CTNNA3: variants seen among roughly 807,000 people sequenced by gnomAD.
CTNNA3 encodes the protein catenin alpha 3.
In CTNNA3, 76 loss-of-function variants were observed where a neutral mutation model predicts 95.7. That is an observed-to-expected ratio of 0.79 (90% CI 0.66 to 0.96). CTNNA3 has a LOEUF of 0.96. CTNNA3 is among the 40% of genes least tolerant of loss of function. CTNNA3 has a pLI of 0.00. For synonymous variants in CTNNA3, 431 were observed against 374.4 expected, an observed-to-expected ratio of 1.15 and a Z score of -1.74; for missense variants, 1,191 against 1,089.8, an observed-to-expected ratio of 1.09 and a Z score of -1.31.
At chr10:67,331,719 C>G (rs1248606945) in intron 5 of CTNNA3, among the ~76,000 whole-genome samples, 1 of 152,140 alleles carries the variant, frequency 6.6e-6, no homozygotes, top group Non-Finnish European at 1.5e-5. Context: ...CATAACTTCT[C>G]CAAAGCCAAC....
chr10:65,966,712 G>C lies in CTNNA3; in HGVS notation c.2300C>G (p.Ala767Gly). The C allele has an allele frequency of 6.2e-7, 1 of 1,612,626 alleles. No homozygotes were observed. The highest frequency in any genetic ancestry group is 2.2e-5 in the East Asian group (1 of 44,830). ...PDPSCKQDLLAYLEQIKFYSH... is the reference protein window; with the variant it reads ...PDPSCKQDLLGYLEQIKFYSH... ...GTAGAACTTAATCTGTTCCAGGTAGGCCAACAAGTCCTGTTTACAAGATGG... is the reference window on the plus strand; with the variant it reads ...GTAGAACTTAATCTGTTCCAGGTAGCCCAACAAGTCCTGTTTACAAGATGG... The change falls in exon 17 of 18, where the codon GCC becomes GGC. Residue 767 changes from alanine (A) to glycine (G), a missense_variant. Physicochemically the swap from Ala to Gly is moderately conservative, Grantham distance 60 (BLOSUM62 0). Coordinates refer to ENST00000433211, the MANE Select transcript of CTNNA3 (RefSeq NM_013266.4).
At chr10:66,997,189 C>T (rs1851402533) in intron 7 of CTNNA3, among the ~76,000 whole-genome samples, 1 of 152,148 alleles carries the variant, frequency 6.6e-6, no homozygotes, top group Non-Finnish European at 1.5e-5. Flanking sequence ...TGTATTATTT[C>T]AGCATTTCAG....
intron 3 of CTNNA3, among the ~76,000 whole-genome samples, chr10:67,588,443 T>C (rs1455376792): frequency 6.6e-6 from 1 of 152,144 alleles, no homozygotes; most frequent in Non-Finnish European, 1.5e-5. Context: ...TAGTGAAGTA[T>C]GACTTCTTTG....
At chr10:67,526,401 T>C (rs907082987) in intron 4 of CTNNA3, among the ~76,000 whole-genome samples, 3 of 147,138 alleles carry the variant, frequency 2.0e-5, no homozygotes, top group Non-Finnish European at 4.5e-5. Flanking sequence ...GTTAAGAACA[T>C]AGAGCAAAAT....
At chr10:66,376,753 A>G (rs1054659401) in intron 12 of CTNNA3, among the ~76,000 whole-genome samples, 5 of 152,206 alleles carry the variant, frequency 3.3e-5, no homozygotes, top group Admixed American at 6.5e-5. Flanking sequence ...GGAAACACAG[A>G]GAAAGACAGT....
chr10:67,478,738 G>T (rs1848109413), intron 5 of CTNNA3, among the ~76,000 whole-genome samples: 1 of 151,690 alleles, frequency 6.6e-6, no homozygotes, highest in South Asian at 2.1e-4. Context: ...CTACAAAACA[G>T]CCAGGTAACA....
intron 7 of CTNNA3, among the ~76,000 whole-genome samples, chr10:67,096,849 T>C (rs79569818): frequency 0.017 from 2,648 of 151,998 alleles, 84 homozygotes; most frequent in East Asian, 0.12. Context: ...ATAGGAACCA[T>C]AGATTTTTCC....
chr10:67,223,813 G>T (rs74607757), intron 5 of CTNNA3, among the ~76,000 whole-genome samples: 2,968 of 152,262 alleles, frequency 0.019, 104 homozygotes, highest in African/African-American at 0.066. Context: ...CAAAGATAAA[G>T]ATCAGGAGGG....
At chr10:66,725,835 G>T (rs1345678883) in intron 9 of CTNNA3, among the ~76,000 whole-genome samples, 1 of 152,106 alleles carries the variant, frequency 6.6e-6, no homozygotes, top group African/African-American at 2.4e-5. Flanking sequence ...GTAACACAAT[G>T]ATTTTCACCC....
At chr10:67,566,043 G>GTATATATATATATATATA (rs772272609) in intron 3 of CTNNA3, among the ~76,000 whole-genome samples, 497 of 26,850 alleles carry the variant, frequency 0.019, 49 homozygotes, top group Middle Eastern at 0.025. Flanking sequence ...ATGTGTGTGT[G>GTATATATATATATATATA]TATATATATA....
intron 11 of CTNNA3, among the ~76,000 whole-genome samples, chr10:66,390,842 G>A (rs1452698089): frequency 6.6e-6 from 1 of 152,112 alleles, no homozygotes; most frequent in Non-Finnish European, 1.5e-5. Flanking sequence ...TGAGAATACA[G>A]AGTATGCATA....
At chr10:66,440,271 CAT>C (rs2093366162) in intron 11 of CTNNA3, among the ~76,000 whole-genome samples, 1 of 152,012 alleles carries the variant, frequency 6.6e-6, no homozygotes, top group Non-Finnish European at 1.5e-5. Context: ...TACAGTTGAG[CAT>C]ATATATGTTT....
At chr10:66,594,379 A>T (rs1195831646) in intron 10 of CTNNA3, among the ~76,000 whole-genome samples, 1 of 152,018 alleles carries the variant, frequency 6.6e-6, no homozygotes, top group African/African-American at 2.4e-5. Context: ...CTTATAATCC[A>T]TTTGTCATAC....
rs140124013 is a variant in CTNNA3, at chr10:65,922,379, A to G, written c.2401-1762T>C. Among the ~76,000 whole-genome samples, 390 of 152,302 alleles carry G rather than the reference A, an allele frequency of 2.6e-3. 3 individuals are homozygous for G. Among genetic ancestry groups the G allele is most frequent in the African/African-American group, 9.0e-3 (376 of 41,554 alleles). On this transcript the variant is annotated intron_variant, in intron 17 of 17. Transcript: ENST00000433211. ...TTGTGGTTTGAAAATTTATATACTA[A>G]TTTCCAAGTTGTGTTTCTTTGGAAG...
intron 9 of CTNNA3, among the ~76,000 whole-genome samples, chr10:66,731,612 A>G (rs1848962216): frequency 6.6e-6 from 1 of 152,188 alleles, no homozygotes; most frequent in Admixed American, 6.5e-5. Context: ...GAATATTGAG[A>G]AAACATTTTG....
rs538993405 is a variant in CTNNA3, at chr10:66,303,880, C to T, written c.1733-23259G>A. 5.3e-5 allele frequency among the ~76,000 whole-genome samples: 8 copies of T among 152,216 alleles called. 1 individual carries two copies. The highest frequency in any genetic ancestry group is 7.2e-5 in the African/African-American group (3 of 41,524). ...AGTGCTGGGATATATAGATGTGAGC[C>T]ACTGTGCCCGGTAAAACTTGAAAAC... is the stretch of plus-strand genomic sequence containing the variant. On this transcript the variant is annotated intron_variant, in intron 12 of 17. Coordinates refer to ENST00000433211, the MANE Select transcript of CTNNA3 (RefSeq NM_013266.4).
chr10:67,532,514 T>A (rs933828831), intron 4 of CTNNA3, among the ~76,000 whole-genome samples: 1 of 152,246 alleles, frequency 6.6e-6, no homozygotes, highest in Non-Finnish European at 1.5e-5. Flanking sequence ...ACCCATTTCC[T>A]GTAAGACACT....
chr10:66,685,660 C>CTA, intron 9 of CTNNA3, among the ~76,000 whole-genome samples: 1 of 151,596 alleles, frequency 6.6e-6, no homozygotes, highest in Non-Finnish European at 1.5e-5. Flanking sequence ...GCATGAGACA[C>CTA]CGCACCAGGC....
chr10:66,720,450 A>G (rs1310321842), intron 9 of CTNNA3, among the ~76,000 whole-genome samples: 1 of 152,190 alleles, frequency 6.6e-6, no homozygotes, highest in African/African-American at 2.4e-5. Context: ...CTGGTCCTGG[A>G]CAAAACCGCC....
Sources: allele counts gnomAD v4.1 joint callset (sites outside exome capture counted in the v4.1 genomes callset), GRCh38; gene constraint gnomAD v4.1.1; transcripts MANE v1.5; gene names NCBI Gene and HGNC (gene_info 2026-07-23, HGNC 2026-07-21).